PAN3: variants seen among roughly 807,000 people sequenced by gnomAD.
PAN3 encodes the protein PAN2-PAN3 deadenylation complex subunit PAN3.
PAN3 carries 19 observed loss-of-function variants against 96.2 expected under a neutral mutation model. The observed-to-expected ratio is 0.20, with a 90% confidence interval of 0.14 to 0.29. The LOEUF (loss-of-function observed/expected upper bound fraction) is 0.29. Ranked by LOEUF, PAN3 falls within the 10% of genes least tolerant of loss-of-function variation. PAN3 has a pLI of 1.00. For missense variants in PAN3, 882 were observed against 1,108.1 expected, an observed-to-expected ratio of 0.80 and a Z score of 2.90; for synonymous variants, 433 against 406.6, an observed-to-expected ratio of 1.06 and a Z score of -0.78.
chr13:28,265,544 G>A (rs1886089481), intron 9 of PAN3, among the ~76,000 whole-genome samples: 1 of 152,116 alleles, frequency 6.6e-6, no homozygotes, highest in Non-Finnish European at 1.5e-5. Context: ...TATGAAATAG[G>A]GAATTCTACC....
In PAN3 at chr13:28,223,857, T is replaced by C. The variant is rs1201129750; in HGVS notation, c.1000+3479T>C. On this transcript the variant is annotated intron_variant, in intron 6 of 18. Transcript: ENST00000380958. ...ATAATAGTTTATACTTTAATTTTTG[T>C]GCCATGAAAAGTGATTTTTTTTTTT... 2.0e-5 allele frequency among the ~76,000 whole-genome samples: 3 copies of C among 149,718 alleles called. No homozygotes were observed. In the East Asian group the frequency reaches 5.9e-4, roughly 29 times the overall value.
intron 1 of PAN3, among the ~76,000 whole-genome samples, chr13:28,155,182 A>G (rs1455512384): frequency 6.6e-6 from 1 of 152,096 alleles, no homozygotes; most frequent in African/African-American, 2.4e-5. Context: ...CAGGTAACTC[A>G]CTGTTTACTA....
At chr13:28,198,591 A>T (rs911244333) in intron 5 of PAN3, among the ~76,000 whole-genome samples, 1 of 152,246 alleles carries the variant, frequency 6.6e-6, no homozygotes, top group African/African-American at 2.4e-5. Flanking sequence ...AAAAATTTAT[A>T]TGCCATTTTA....
chr13:28,141,430 C>T (rs1057271629), intron 1 of PAN3, among the ~76,000 whole-genome samples: 1 of 148,960 alleles, frequency 6.7e-6, no homozygotes, highest in African/African-American at 2.5e-5. Context: ...ACAGCTCTGA[C>T]GATCATTCTA....
At chr13:28,249,629 T>C (rs1418397010) in intron 6 of PAN3, among the ~76,000 whole-genome samples, 1 of 152,030 alleles carries the variant, frequency 6.6e-6, no homozygotes. Context: ...TTTGTATTTT[T>C]AGTAGAGACG....
intron 6 of PAN3, among the ~76,000 whole-genome samples, chr13:28,238,133 G>A (rs1200911863): frequency 6.6e-6 from 1 of 152,202 alleles, no homozygotes; most frequent in Non-Finnish European, 1.5e-5. Flanking sequence ...CACTGCCATA[G>A]GTGGCCTGTT....
At position 28,253,159 on chromosome 13, in the gene PAN3, A is replaced by G. The variant is rs536764950; in HGVS notation, c.1001-3133A>G. On this transcript the variant is annotated intron_variant, in intron 6 of 18. Transcript: ENST00000380958. Reference sequence around the variant, plus strand: ...GTGGTTAAACATTAAATAATATGCAATGGAAGATGTCATTTTAAATTAAGA... The same window carrying G: ...GTGGTTAAACATTAAATAATATGCAGTGGAAGATGTCATTTTAAATTAAGA... 5.9e-5 allele frequency among the ~76,000 whole-genome samples: 9 copies of G among 152,344 alleles called. No homozygotes were observed. The South Asian group carries it at 1.4e-3, about 25-fold the overall frequency.
rs148969020 is a variant in PAN3, at chr13:28,191,377, G to C, written c.691-5808G>C. On this transcript the variant is annotated intron_variant, in intron 4 of 18. Transcript: ENST00000380958. ...TTCATATCCTTCTTTCTCGACTAGTGATTCGTAGCCAGGGCAGTTGTGTCT... is the reference window on the plus strand; with the variant it reads ...TTCATATCCTTCTTTCTCGACTAGTCATTCGTAGCCAGGGCAGTTGTGTCT... 1.6e-4 allele frequency among the ~76,000 whole-genome samples: 25 copies of C among 152,250 alleles called. No homozygotes were observed. The East Asian group carries it at 4.6e-3, about 28-fold the overall frequency.
intron 1 of PAN3, among the ~76,000 whole-genome samples, chr13:28,171,843 G>T (rs1245990625): frequency 1.3e-5 from 2 of 152,194 alleles, no homozygotes; most frequent in African/African-American, 4.8e-5. Context: ...AGGGCTGAAA[G>T]TTCCAAACTG....
chr13:28,263,980 G>A (rs558515987), intron 9 of PAN3, among the ~76,000 whole-genome samples: 6 of 152,040 alleles, frequency 3.9e-5, no homozygotes, highest in East Asian at 1.9e-4. Context: ...CCCTTCCCGC[G>A]TAACATTTGT....
At chr13:28,164,918 A>AT (rs138453830) in intron 1 of PAN3, among the ~76,000 whole-genome samples, 8,596 of 151,472 alleles carry the variant, frequency 0.057, 307 homozygotes, top group South Asian at 0.15. Flanking sequence ...AGAAGTTCTT[A>AT]TTTTTTTTTA....
intron 4 of PAN3, among the ~76,000 whole-genome samples, chr13:28,187,313 C>A (rs1441441567): frequency 6.6e-6 from 1 of 152,112 alleles, no homozygotes; most frequent in Non-Finnish European, 1.5e-5. Flanking sequence ...GGAAACAGAG[C>A]AAGAACCTGT....
chr13:28,169,221 G>GTTT (rs1491548778), intron 1 of PAN3, among the ~76,000 whole-genome samples: 3 of 108,622 alleles, frequency 2.8e-5, no homozygotes, highest in African/African-American at 7.6e-5. Flanking sequence ...TTTTTTGTTT[G>GTTT]CTTTTTTTTT....
In PAN3 at chr13:28,163,276, A is replaced by G. The variant is rs573241793; in HGVS notation, c.431-10996A>G. Reference sequence around the variant, plus strand: ...GAAATACCTGAAAATGTAAAGGCTTAAATACTGTAGTTGAAGACAGCAATA... The same window carrying G: ...GAAATACCTGAAAATGTAAAGGCTTGAATACTGTAGTTGAAGACAGCAATA... On this transcript the variant is annotated intron_variant, in intron 1 of 18. Transcript: ENST00000380958. 2.0e-5 allele frequency among the ~76,000 whole-genome samples: 3 copies of G among 152,376 alleles called. No homozygotes were observed. In the East Asian group the frequency reaches 5.8e-4, roughly 29 times the overall value.
At chr13:28,204,991 TG>T (rs745409723) in intron 5 of PAN3, among the ~76,000 whole-genome samples, 37 of 152,324 alleles carry the variant, frequency 2.4e-4, no homozygotes, top group Non-Finnish European at 4.6e-4. Context: ...TCTGATTAAA[TG>T]GCATTTTTTG....
chr13:28,177,979 A>G (rs1204953191), intron 4 of PAN3, 44 bp downstream of exon 4: 4 of 1,526,130 alleles, frequency 2.6e-6, no homozygotes, highest in East Asian at 2.3e-5. Context: ...GGAATTTAGA[A>G]GTGATGTTGG....
At chr13:28,266,648 TC>T in intron 9 of PAN3, 66 bp from the exon 10 acceptor site, 2 of 1,270,796 alleles carry the variant, frequency 1.6e-6, no homozygotes, top group Non-Finnish European at 2.1e-6. Context: ...TATCATGTCT[TC>T]TGTATTTTTG....
At chr13:28,247,612 G>A (rs928960977) in intron 6 of PAN3, among the ~76,000 whole-genome samples, 1 of 152,126 alleles carries the variant, frequency 6.6e-6, no homozygotes, top group African/African-American at 2.4e-5. Context: ...CATATGGTAA[G>A]AGAAAGGAAT....
rs1489162338 is a variant in PAN3 at position 28,257,714 on chromosome 13, ATAAT to A, written c.1248+1180_1248+1183del. The stretch of plus-strand genomic sequence containing the variant: ...TAAATATATATTATATATATTATAT[ATAAT>A]TAATATATATTATATATAAATTATA... On this transcript the variant is annotated intron_variant, in intron 7 of 18. Coordinates refer to ENST00000380958, the MANE Select transcript of PAN3 (RefSeq NM_175854.8). Among the ~76,000 whole-genome samples, 12 of 140,330 alleles carry A rather than the reference ATAAT, an allele frequency of 8.6e-5. No homozygotes were observed. The East Asian group carries it at 2.2e-3, about 25-fold the overall frequency. The allele number at this position is 140,330 out of a possible 152,430, so 92.1% of individuals were successfully genotyped here.
Sources: allele counts gnomAD v4.1 joint callset (sites outside exome capture counted in the v4.1 genomes callset), GRCh38; gene constraint gnomAD v4.1.1; transcripts MANE v1.5; gene names NCBI Gene and HGNC (gene_info 2026-07-23, HGNC 2026-07-21).